SLC44A1: variants seen among roughly 807,000 people sequenced by gnomAD.
SLC44A1 encodes the protein solute carrier family 44 member 1, also known as choline transporter-like protein 1.
A neutral mutation model predicts 79.3 loss-of-function variants in SLC44A1; 26 were observed. That is an observed-to-expected ratio of 0.33 (90% CI 0.24 to 0.46). The LOEUF (loss-of-function observed/expected upper bound fraction) is 0.46. SLC44A1 is among the 20% of genes least tolerant of loss of function. The pLI is 1.00. For synonymous variants in SLC44A1, 263 were observed against 286.2 expected (o/e 0.92, Z 0.82); for missense variants, 688 against 798.1 (o/e 0.86, Z 1.66).
intron 2 of SLC44A1, among the ~76,000 whole-genome samples, chr9:105,303,503 G>A (rs1218571465): frequency 6.6e-6 from 1 of 152,106 alleles, no homozygotes; most frequent in African/African-American, 2.4e-5. Flanking sequence ...AGTTATTGCT[G>A]CTTACTATGA....
At chr9:105,344,324 G>C (rs181208324) in intron 4 of SLC44A1, among the ~76,000 whole-genome samples, 1 of 152,174 alleles carries the variant, frequency 6.6e-6, no homozygotes, top group Admixed American at 6.5e-5. Context: ...TAAACCATTG[G>C]TTCACAATTA....
intron 7 of SLC44A1, 104 bp downstream of exon 7, chr9:105,358,537 C>A: frequency 1.4e-6 from 1 of 702,208 alleles, no homozygotes; most frequent in Non-Finnish European, 2.5e-6. Flanking sequence ...AAGCTATATC[C>A]TCAAGGAAGA....
intron 2 of SLC44A1, among the ~76,000 whole-genome samples, chr9:105,306,581 CCT>C (rs1188860299): frequency 8.3e-6 from 1 of 120,098 alleles, no homozygotes; most frequent in Non-Finnish European, 1.6e-5. Context: ...AGCTTCCCAC[CCT>C]CTCTAATGCT....
At chr9:105,417,952 G>C (rs1009931320) in intron 15 of SLC44A1, among the ~76,000 whole-genome samples, 3 of 151,990 alleles carry the variant, frequency 2.0e-5, no homozygotes, top group Admixed American at 6.6e-5. Context: ...AGGAGTTTGA[G>C]GCTACAGTGA....
At chr9:105,280,441 A>G (rs1236507656) in intron 1 of SLC44A1, among the ~76,000 whole-genome samples, 1 of 152,228 alleles carries the variant, frequency 6.6e-6, no homozygotes, top group Non-Finnish European at 1.5e-5. Context: ...GTTAGTTGCT[A>G]TTTTGTTGTT....
intron 4 of SLC44A1, among the ~76,000 whole-genome samples, chr9:105,346,863 G>T (rs1398276277): frequency 1.3e-5 from 2 of 152,022 alleles, no homozygotes; most frequent in Non-Finnish European, 2.9e-5. Flanking sequence ...CATGTAACTT[G>T]TAATTATCGC....
chr9:105,371,673 C>G (rs192945189), intron 12 of SLC44A1, among the ~76,000 whole-genome samples: 8 of 135,702 alleles, frequency 5.9e-5, no homozygotes, highest in Non-Finnish European at 1.1e-4. Context: ...GAGCTGAGAT[C>G]GTGCCTCTGC....
rs371891288 is a variant in SLC44A1, at chr9:105,392,964, AAAC to A, written c.*3920_*3922del. 0.059 allele frequency: 56,429 copies of A among 962,370 alleles called. 1,149 individuals are homozygous for A. The highest frequency in any genetic ancestry group is 0.081 in the South Asian group (1,705 of 21,078). The allele number at this position is 962,370 out of a possible 1,614,324, so 59.6% of individuals were successfully genotyped here. The stretch of plus-strand genomic sequence containing the variant: ...CTTTTCTACTGCTACTTTAAAAAAA[AAAC>A]AACAACAACAAATAAAACTCTCAGA... On this transcript the variant is annotated 3_prime_UTR_variant, in exon 16 of 16. Coordinates refer to ENST00000374720, the MANE Select transcript of SLC44A1 (RefSeq NM_080546.5).
rs892129727 is a variant in SLC44A1 at position 105,393,413 on chromosome 9, C to T, written c.*4357C>T. ...CTTAAAAAACAAAACAAAAATTACA[C>T]GTCGTGTACAGTTATGAATTTAGAA... On this transcript the variant is annotated 3_prime_UTR_variant, in exon 16 of 16. Transcript: ENST00000374720. 4 of 985,130 alleles carry T rather than the reference C, an allele frequency of 4.1e-6. No individual in the cohort carries two copies. The highest frequency in any genetic ancestry group is 3.6e-6 in the Non-Finnish European group (3 of 829,718). 61.0% of individuals were successfully genotyped at this position (985,130 alleles called of 1,614,324 possible).
intron 1 of SLC44A1, among the ~76,000 whole-genome samples, chr9:105,259,456 C>A (rs1829791441): frequency 6.6e-6 from 1 of 152,088 alleles, no homozygotes; most frequent in African/African-American, 2.4e-5. Flanking sequence ...GACTCTGGAG[C>A]ACAAATGATT....
chr9:105,324,815 A>ACTATTT (rs1826520214), intron 3 of SLC44A1, among the ~76,000 whole-genome samples: 1 of 152,318 alleles, frequency 6.6e-6, no homozygotes, highest in East Asian at 1.9e-4. Context: ...TTACTATTTC[A>ACTATTT]CATCCACTAG....
chr9:105,291,419 G>T lies in SLC44A1; in HGVS notation c.37-7801G>T, dbSNP rs1256289278. Among the ~76,000 whole-genome samples the T allele has an allele frequency of 2.6e-5, 4 of 152,214 alleles. No individual in the cohort carries two copies. The South Asian group carries it at 8.3e-4, about 31-fold the overall frequency. The stretch of plus-strand genomic sequence containing the variant: ...CTACGCAGCGGTGACCTTGGAGATG[G>T]ATGCATTCAGTGACTATTATAGTGG... On this transcript the variant is annotated intron_variant, in intron 1 of 15. Transcript: ENST00000374720.
At chr9:105,358,207 T>TTTCC (rs1384649709) in intron 6 of SLC44A1, 137 bp from the exon 7 acceptor site, 3 of 577,658 alleles carry the variant, frequency 5.2e-6, no homozygotes, top group Non-Finnish European at 9.1e-6. Context: ...CAGCAGCTAG[T>TTTCC]TTCCTTCCTT....
chr9:105,390,910 G>A lies in SLC44A1; in HGVS notation c.*1854G>A. On this transcript the variant is annotated 3_prime_UTR_variant, in exon 16 of 16. Coordinates refer to ENST00000374720, the MANE Select transcript of SLC44A1 (RefSeq NM_080546.5). Reference sequence around the variant, plus strand: ...ATCTAATATCTAGTATCACCAAACAGTATCGCTGTTCTCTTTTATTCATTT... The same window carrying A: ...ATCTAATATCTAGTATCACCAAACAATATCGCTGTTCTCTTTTATTCATTT... 3.1e-6 allele frequency: 3 copies of A among 981,804 alleles called. No homozygotes were observed. The highest frequency in any genetic ancestry group is 4.7e-5 in the South Asian group (1 of 21,174). The allele number at this position is 981,804 out of a possible 1,614,324, so 60.8% of individuals were successfully genotyped here. A position where few individuals can be genotyped will look rare whatever the true frequency, so the allele number is the denominator to read the frequency against.
At chr9:105,346,626 G>A (rs1208793505) in intron 4 of SLC44A1, among the ~76,000 whole-genome samples, 1 of 151,982 alleles carries the variant, frequency 6.6e-6, no homozygotes, top group African/African-American at 2.4e-5. Flanking sequence ...TAAAATGTTT[G>A]TTTGCCATTA....
intron 4 of SLC44A1, among the ~76,000 whole-genome samples, chr9:105,341,978 G>A (rs1320510975): frequency 6.6e-6 from 1 of 152,106 alleles, no homozygotes; most frequent in Non-Finnish European, 1.5e-5. Context: ...AGAGAAAACT[G>A]AAACCATCTG....
chr9:105,297,849 C>G (rs1034404435), intron 1 of SLC44A1, among the ~76,000 whole-genome samples: 4 of 152,184 alleles, frequency 2.6e-5, no homozygotes, highest in African/African-American at 9.7e-5. Flanking sequence ...TGCTCATGCC[C>G]TTTCCTCCTG....
At chr9:105,277,988 A>T in intron 1 of SLC44A1, among the ~76,000 whole-genome samples, 1 of 152,184 alleles carries the variant, frequency 6.6e-6, no homozygotes, top group East Asian at 1.9e-4. Flanking sequence ...CCATTTGGAT[A>T]AAAATTGAAA....
At chr9:105,356,182 T>G (rs1230370577) in intron 5 of SLC44A1, 30 bp from the exon 6 acceptor site, 1 of 1,593,648 alleles carries the variant, frequency 6.3e-7, no homozygotes, top group African/African-American at 1.4e-5. Context: ...GAGTAATTTT[T>G]TTTCTGATTT....
Sources: allele counts gnomAD v4.1 joint callset (sites outside exome capture counted in the v4.1 genomes callset), GRCh38; gene constraint gnomAD v4.1.1; transcripts MANE v1.5; gene names NCBI Gene and HGNC (gene_info 2026-07-23, HGNC 2026-07-21).